Variants in ORC3 observed in about 807,000 individuals in gnomAD.
ORC3 encodes the protein origin recognition complex subunit 3.
ORC3 carries 78 observed loss-of-function variants against 100.7 expected under a neutral mutation model. That is an observed-to-expected ratio of 0.77 (90% confidence interval 0.65 to 0.94). The LOEUF (loss-of-function observed/expected upper bound fraction) is 0.94, where lower values mean the gene tolerates loss of function less well. Ranked by LOEUF, ORC3 falls within the 40% of genes least tolerant of loss-of-function variation. ORC3 has a pLI of 0.00. For synonymous variants in ORC3, 295 were observed against 289.3 expected, an observed-to-expected ratio of 1.02 and a Z score of -0.20; for missense variants, 789 against 823.9, an observed-to-expected ratio of 0.96 and a Z score of 0.52.
chr6:87,639,441 A>T (rs1554249811), intron 13 of ORC3, among the ~76,000 whole-genome samples: 1 of 152,164 alleles, frequency 6.6e-6, no homozygotes, highest in African/African-American at 2.4e-5. Flanking sequence ...TGTTAGAGAG[A>T]AGGGGCCCTC....
chr6:87,648,321 G>A (rs1014333478), intron 13 of ORC3, among the ~76,000 whole-genome samples: 2 of 152,100 alleles, frequency 1.3e-5, no homozygotes, highest in African/African-American at 2.4e-5. Context: ...ATATAACCTC[G>A]AAAACCAGTC....
At chr6:87,618,956 G>A (rs1779353664) in intron 9 of ORC3, among the ~76,000 whole-genome samples, 1 of 152,142 alleles carries the variant, frequency 6.6e-6, no homozygotes, top group African/African-American at 2.4e-5. Flanking sequence ...TAATTTAGGG[G>A]TGTGTTAGAC....
chr6:87,666,570 C>G (rs576158148), intron 19 of ORC3, among the ~76,000 whole-genome samples: 1 of 151,154 alleles, frequency 6.6e-6, no homozygotes, highest in South Asian at 2.1e-4. Context: ...TCCCAAATAG[C>G]TGGGATTACA....
chr6:87,676,447 C>CAAAAAAAAAAAAA, the ORC3 span, among the ~76,000 whole-genome samples: 1 of 41,916 alleles, frequency 2.4e-5, no homozygotes, highest in East Asian at 8.1e-4. Flanking sequence ...GCCTGGGCAA[C>CAAAAAAAAAAAAA]AAAAAAAAAA....
chr6:87,626,377 A>G (rs1779900597), intron 11 of ORC3, among the ~76,000 whole-genome samples: 1 of 152,142 alleles, frequency 6.6e-6, no homozygotes, highest in Non-Finnish European at 1.5e-5. Flanking sequence ...AGTGGTTTGT[A>G]ATTCTCCTTG....
At chr6:87,590,845 A>C (rs769070965) in intron 1 of ORC3, among the ~76,000 whole-genome samples, 1 of 152,222 alleles carries the variant, frequency 6.6e-6, no homozygotes, top group Non-Finnish European at 1.5e-5. Context: ...AAGTAGACAA[A>C]GAGTGGGAGC....
intron 11 of ORC3, among the ~76,000 whole-genome samples, chr6:87,630,373 C>T (rs1767308889): frequency 6.6e-6 from 1 of 152,110 alleles, no homozygotes; most frequent in Non-Finnish European, 1.5e-5. Flanking sequence ...TGCATTCCAG[C>T]CTGGTTGCTA....
chr6:87,667,579 A>G (rs1221751314), downstream of ORC3: 2 of 152,498 alleles, frequency 1.3e-5, no homozygotes, highest in Non-Finnish European at 2.9e-5. Flanking sequence ...TGGTGACTAC[A>G]TAGGTTCCAA....
intron 5 of ORC3, among the ~76,000 whole-genome samples, chr6:87,607,260 C>G (rs796307254): frequency 1.3e-5 from 2 of 151,948 alleles, no homozygotes; most frequent in South Asian, 4.1e-4. Context: ...AAAACCCCGT[C>G]TCTACTAAAA....
intron 3 of ORC3, among the ~76,000 whole-genome samples, chr6:87,602,954 A>ATATATATATATATATAT (rs1554236515): frequency 4.2e-5 from 4 of 95,266 alleles, no homozygotes; most frequent in East Asian, 3.0e-4. Context: ...ACACATATAT[A>ATATATATATATATATAT]ATATATATAT....
intron 8 of ORC3, among the ~76,000 whole-genome samples, chr6:87,615,549 G>A (rs1430966852): frequency 6.6e-6 from 1 of 152,148 alleles, no homozygotes; most frequent in East Asian, 1.9e-4. Context: ...GCTTGGCTAG[G>A]CCGGAAAGGG....
chr6:87,612,242 C>A lies in ORC3; in HGVS notation c.867C>A (p.Leu289=). 6.3e-7 allele frequency: 1 copy of A among 1,592,126 alleles called. No individual in the cohort carries two copies. The highest frequency in any genetic ancestry group is 8.5e-7 in the Non-Finnish European group (1 of 1,171,250). ...LSCKEHLTTV[L]DKLLLTTQFP... ...GTAAGGAGCACCTGACTACGGTACT[C>A]GATAAGGTAAAAAGAATAAGTTTTA... The change falls in exon 8 of 20, where the codon CTC becomes CTA. Residue 289 remains leucine, a synonymous_variant. Coordinates refer to ENST00000392844, the MANE Select transcript of ORC3 (RefSeq NM_012381.4).
intron 16 of ORC3, among the ~76,000 whole-genome samples, chr6:87,662,427 C>T (rs1026396407): frequency 6.6e-6 from 1 of 151,778 alleles, no homozygotes; most frequent in East Asian, 1.9e-4. Flanking sequence ...AGTGAAACTC[C>T]GTCTCAAAAA....
At chr6:87,660,446 C>G (rs1770095463) in intron 16 of ORC3, among the ~76,000 whole-genome samples, 1 of 152,222 alleles carries the variant, frequency 6.6e-6, no homozygotes, top group African/African-American at 2.4e-5. Flanking sequence ...AAGGCCCTCT[C>G]CATTTCTCTA....
intron 16 of ORC3, among the ~76,000 whole-genome samples, chr6:87,659,025 G>A (rs113491588): frequency 2.0e-4 from 28 of 142,598 alleles, no homozygotes; most frequent in Admixed American, 3.5e-4. Flanking sequence ...AGTGGGGCGG[G>A]GGGGGGAGAA....
intron 9 of ORC3, among the ~76,000 whole-genome samples, chr6:87,618,505 T>C (rs1403060052): frequency 6.6e-6 from 1 of 152,016 alleles, no homozygotes; most frequent in African/African-American, 2.4e-5. Flanking sequence ...GAGTAGTCAG[T>C]GCTATGAAAG....
chr6:87,639,726 T>C (rs761015959), intron 13 of ORC3, among the ~76,000 whole-genome samples: 74 of 148,784 alleles, frequency 5.0e-4, no homozygotes, highest in Non-Finnish European at 5.0e-4. Flanking sequence ...ACGCCTGTAA[T>C]CCCAGCACTT....
intron 7 of ORC3, among the ~76,000 whole-genome samples, chr6:87,609,956 A>T (rs1778624692): frequency 6.6e-6 from 1 of 152,052 alleles, no homozygotes; most frequent in East Asian, 1.9e-4. Flanking sequence ...AAATAACATT[A>T]TTTTGCATTT....
chr6:87,612,156 C>CGATT lies in ORC3; in HGVS notation c.783_786dup (p.Leu263IlefsTer21). On this transcript the variant is annotated frameshift_variant, in exon 8 of 20. Transcript: ENST00000392844. LOFTEE classifies it high-confidence loss of function. ...AGCCACATCTCCTATTATCATCCAC[C>CGATT]GATTGCTTCCTCATGCAGTATCATC... 1 of 1,613,488 alleles carries CGATT rather than the reference C, an allele frequency of 6.2e-7. No homozygotes were observed. The highest frequency in any genetic ancestry group is 8.5e-7 in the Non-Finnish European group (1 of 1,179,608).
Sources: gnomAD v4.1 joint callset for allele counts (sites outside exome capture counted in the v4.1 genomes callset) on GRCh38, gnomAD v4.1.1 for gene constraint, MANE v1.5 for transcripts, NCBI Gene and HGNC (gene_info 2026-07-23, HGNC 2026-07-21) for gene names.